Variants in CEACAM20 observed in about 807,000 individuals in gnomAD.
CEACAM20 encodes cell adhesion molecule CEACAM20.
CEACAM20 carries 50 observed loss-of-function variants against 61.2 expected under a neutral mutation model. The observed-to-expected ratio is 0.82, with a 90% CI of 0.65 to 1.03. The LOEUF (loss-of-function observed/expected upper bound fraction) is 1.03, where lower values mean the gene tolerates loss of function less well. CEACAM20 is among the 50% of genes least tolerant of loss of function. CEACAM20 has a pLI of 0.00. For synonymous variants in CEACAM20, 282 were observed against 287.7 expected (o/e 0.98, Z 0.20); for missense variants, 683 against 736.4 (o/e 0.93, Z 0.84).
In CEACAM20 at chr19:44,525,238, A is replaced by T. The variant is rs540249078; in HGVS notation, c.59T>A (p.Leu20His). 23 of 1,584,838 alleles carry T rather than the reference A, an allele frequency of 1.5e-5. No individual in the cohort carries two copies. The East Asian group carries it at 4.2e-4, about 29-fold the overall frequency. ...HWMGILLSAS[L>H]CTVWSPPAAA... ...AGCTGGAGGACTCCATACGGTACAA[A>T]GCGAGGCTACAAGGGGAGAGAGGAG... Residue 20 changes from leucine to histidine, a missense_variant, in exon 2 of 12, where the codon CTT becomes CAT. Leu to His is a moderately conservative substitution (Grantham distance 99). Coordinates refer to ENST00000614924, the MANE Select transcript of CEACAM20 (RefSeq NM_001102597.3).
intron 5 of CEACAM20, among the ~76,000 whole-genome samples, chr19:44,518,172 AAGC>A (rs1224796437): frequency 2.8e-5 from 4 of 140,364 alleles, no homozygotes; most frequent in East Asian, 2.1e-4. Context: ...GGAAGGAAGA[AAGC>A]AGGCAGGCAG....
chr19:44,525,000 C>T, intron 2 of CEACAM20, 101 bp downstream of exon 2: 1 of 1,459,748 alleles, frequency 6.9e-7, no homozygotes, highest in Non-Finnish European at 9.4e-7. Flanking sequence ...CCTGGCTGAG[C>T]CAATCAGATT....
chr19:44,522,955 CA>C (rs1422300679), intron 3 of CEACAM20, 43 bp from the exon 4 acceptor site: 1 of 1,521,888 alleles, frequency 6.6e-7, no homozygotes, highest in Non-Finnish European at 9.0e-7. Context: ...ACAGCATCAG[CA>C]ACAGGTCTCT....
chr19:44,514,758 C>T (rs1971105535), intron 6 of CEACAM20, among the ~76,000 whole-genome samples: 1 of 151,972 alleles, frequency 6.6e-6, no homozygotes, highest in Admixed American at 6.6e-5. Flanking sequence ...CATGCCTGGC[C>T]GCATCTCCAT....
At chr19:44,528,764 T>A (rs1449977569) in intron 1 of CEACAM20, among the ~76,000 whole-genome samples, 1 of 151,722 alleles carries the variant, frequency 6.6e-6, no homozygotes, top group African/African-American at 2.4e-5. Flanking sequence ...TGCATCTGTA[T>A]TTTTTTCTGT....
intron 11 of CEACAM20, among the ~76,000 whole-genome samples, chr19:44,508,716 A>G (rs1266994890): frequency 4.6e-5 from 7 of 152,248 alleles, no homozygotes. Context: ...GAATGATGTA[A>G]CTAATCATAC....
intron 9 of CEACAM20, 125 bp from the exon 10 acceptor site, chr19:44,511,797 G>T (rs745631959): frequency 9.6e-6 from 10 of 1,040,746 alleles, no homozygotes; most frequent in Non-Finnish European, 1.4e-5. Context: ...AGGGCTCAAA[G>T]CTAGGAATTG....
chr19:44,513,430 G>T, intron 6 of CEACAM20, 141 bp from the exon 7 acceptor site: 11 of 432,524 alleles, frequency 2.5e-5, no homozygotes, highest in South Asian at 7.4e-5. Flanking sequence ...TCAGATTGTG[G>T]TTTTTGGTTT....
chr19:44,511,098 G>A lies in CEACAM20; in HGVS notation c.1669C>T (p.Pro557Ser). 1 of 1,614,026 alleles carries A rather than the reference G, an allele frequency of 6.2e-7. No homozygotes were observed. The highest frequency in any genetic ancestry group is 2.2e-5 in the East Asian group (1 of 44,880). The stretch of plus-strand genomic sequence containing the variant: ...CTGAGTGGGGGCATCAGAGGTTTGG[G>A]TGGTGGCTTCCAGGGGCTGAAAGAA... The part of the protein sequence containing the change: ...GNSFSPWKPP[P>S]KPLMPPLRLV... The change falls in exon 11 of 12, where the codon CCC becomes TCC. Residue 557 changes from proline to serine, a missense_variant. Transcript: ENST00000614924.
At chr19:44,510,477 C>A (rs182968898) in intron 11 of CEACAM20, among the ~76,000 whole-genome samples, 17 of 146,558 alleles carry the variant, frequency 1.2e-4, no homozygotes, top group Admixed American at 4.2e-4. Context: ...TGAGTCACTG[C>A]ACTCCAGTCT....
chr19:44,523,344 G>A (rs1971427487), intron 3 of CEACAM20, among the ~76,000 whole-genome samples: 1 of 152,112 alleles, frequency 6.6e-6, no homozygotes, highest in Admixed American at 6.6e-5. Context: ...AGGAGGTCGA[G>A]GCTGCATTGA....
chr19:44,513,201 G>T lies in CEACAM20; in HGVS notation c.1398C>A (p.Gly466=), dbSNP rs1271632745. The change falls in exon 7 of 12, where the codon GGC becomes GGA. Residue 466 remains glycine (G), a synonymous_variant. Transcript: ENST00000614924. The stretch of plus-strand genomic sequence containing the variant: ...TGGCATTTCTGATGCAGAGAAAATA[G>T]CCCAGTTCTGAGGCCACAGCAATGA... ...LAVIAVASEL[G]YFLCIRNARR... 1.2e-6 allele frequency: 2 copies of T among 1,613,322 alleles called. No homozygotes were observed. The highest frequency in any genetic ancestry group is 1.7e-5 in the Admixed American group (1 of 59,970).
chr19:44,522,544 C>T (rs1971395962), intron 4 of CEACAM20, 90 bp downstream of exon 4: 3 of 1,388,566 alleles, frequency 2.2e-6, no homozygotes, highest in Non-Finnish European at 2.9e-6. Flanking sequence ...TATCCAAAGG[C>T]CCTGGATTAA....
intron 1 of CEACAM20, among the ~76,000 whole-genome samples, chr19:44,528,153 C>T (rs1971585671): frequency 8.8e-6 from 1 of 113,034 alleles, no homozygotes; most frequent in Non-Finnish European, 1.7e-5. Flanking sequence ...TCTTTTCTTT[C>T]TTTCTTTTCT....
At chr19:44,510,139 G>T (rs868833401) in intron 11 of CEACAM20, among the ~76,000 whole-genome samples, 1 of 151,674 alleles carries the variant, frequency 6.6e-6, no homozygotes, top group African/African-American at 2.4e-5. Flanking sequence ...GAAAGGAAAA[G>T]AATGAAAAGG....
chr19:44,517,265 A>G, intron 5 of CEACAM20, 41 bp from the exon 6 acceptor site: 1 of 1,588,476 alleles, frequency 6.3e-7, no homozygotes, highest in Non-Finnish European at 8.5e-7. Flanking sequence ...GGCCCCCATC[A>G]GCGAGTCATC....
chr19:44,510,851 G>A (rs1970974618), intron 11 of CEACAM20, among the ~76,000 whole-genome samples, 179 bp downstream of exon 11: 2 of 152,308 alleles, frequency 1.3e-5, no homozygotes, highest in South Asian at 4.1e-4. Flanking sequence ...GCGTTGGAAA[G>A]GAATGAAGTA....
intron 1 of CEACAM20, among the ~76,000 whole-genome samples, chr19:44,528,220 CCT>C (rs1491460504): frequency 7.3e-6 from 1 of 136,652 alleles, no homozygotes; most frequent in Non-Finnish European, 1.6e-5. Flanking sequence ...TCTCCCTTTC[CCT>C]CTTTCTTTCT....
chr19:44,509,627 C>A (rs13343790), intron 11 of CEACAM20, among the ~76,000 whole-genome samples: 1 of 151,390 alleles, frequency 6.6e-6, no homozygotes, highest in African/African-American at 2.4e-5. Flanking sequence ...AGAAAACATG[C>A]AGTAGAATGG....
Sources: allele counts gnomAD v4.1 joint callset (sites outside exome capture counted in the v4.1 genomes callset), GRCh38; gene constraint gnomAD v4.1.1; transcripts MANE v1.5; gene names NCBI Gene and HGNC (gene_info 2026-07-23, HGNC 2026-07-21).